Variants in MSH3 observed in about 807,000 individuals in gnomAD.
The protein encoded by MSH3 is DNA mismatch repair protein Msh3.
MSH3 carries 106 observed loss-of-function variants against 123.3 expected under a neutral mutation model. The ratio of observed to expected loss-of-function variants is 0.86; its 90% confidence interval spans 0.73 to 1.01. The LOEUF (loss-of-function observed/expected upper bound fraction) is 1.01, where lower values mean the gene tolerates loss of function less well. Ranked by LOEUF, MSH3 falls within the 50% of genes least tolerant of loss-of-function variation. The pLI is 0.00. For synonymous variants in MSH3, 515 were observed against 481.4 expected (o/e 1.07, Z -0.91); for missense variants, 1,459 against 1,347.6 (o/e 1.08, Z -1.29).
chr5:80,838,055 C>T (rs1457206741), intron 20 of MSH3, among the ~76,000 whole-genome samples: 1 of 152,230 alleles, frequency 6.6e-6, no homozygotes, highest in African/African-American at 2.4e-5. Context: ...GAGAAAGTCT[C>T]TAGCACTAGT....
intron 22 of MSH3, among the ~76,000 whole-genome samples, chr5:80,872,719 ATTGC>A (rs1386511345): frequency 6.6e-6 from 1 of 151,692 alleles, no homozygotes; most frequent in East Asian, 2.0e-4. Context: ...AGGCAGGAGG[ATTGC>A]TTGAGCCCAG....
chr5:80,739,459 G>A (rs968144656), intron 10 of MSH3, among the ~76,000 whole-genome samples: 2 of 152,206 alleles, frequency 1.3e-5, no homozygotes, highest in African/African-American at 4.8e-5. Flanking sequence ...TCCCTAGGAA[G>A]ATGGCAGATA....
intron 20 of MSH3, among the ~76,000 whole-genome samples, chr5:80,840,442 T>C (rs1338591021): frequency 6.6e-6 from 1 of 151,840 alleles, no homozygotes; most frequent in Non-Finnish European, 1.5e-5. Flanking sequence ...TTTTTTTTTC[T>C]TTGCTCTGTT....
intron 17 of MSH3, among the ~76,000 whole-genome samples, chr5:80,784,417 TA>T (rs1744468285): frequency 6.6e-6 from 1 of 151,900 alleles, no homozygotes; most frequent in South Asian, 2.1e-4. Flanking sequence ...TTTATTTTAT[TA>T]AATGTTTGTG....
At position 80,672,215 on chromosome 5, in the gene MSH3, T is replaced by G. The variant is rs768643611; in HGVS notation, c.793-29T>G. 5.6e-6 allele frequency: 8 copies of G among 1,425,180 alleles called. No homozygotes were observed. The East Asian group carries it at 1.9e-4, about 33-fold the overall frequency. 88.3% of individuals were successfully genotyped at this position (1,425,180 alleles called of 1,614,324 possible). A position where few individuals can be genotyped will look rare whatever the true frequency, so the allele number is the denominator to read the frequency against. On this transcript the variant is annotated intron_variant, in intron 4 of 23. Coordinates refer to ENST00000265081, the MANE Select transcript of MSH3 (RefSeq NM_002439.5). Reference sequence around the variant, plus strand: ...CATAGGGAATCTTAAAATATAAATTTATTGATATTTTCTTTTTTCATTTTT... The same window carrying G: ...CATAGGGAATCTTAAAATATAAATTGATTGATATTTTCTTTTTTCATTTTT...
Position 80,813,612 on chromosome 5 carries a change from C to A in MSH3, c.2684C>A (p.Thr895Asn), listed in dbSNP as rs1745046566. 1 of 1,613,944 alleles carries A rather than the reference C, an allele frequency of 6.2e-7. No homozygotes were observed. The highest frequency in any genetic ancestry group is 1.7e-5 in the Admixed American group (1 of 60,004). Residue 895 changes from threonine to asparagine, a missense_variant, in exon 20 of 24, where the codon ACC (threonine) becomes AAC (asparagine). By Grantham distance (65) the Thr-to-Asn change is moderately conservative. Transcript: ENST00000265081. ...SEDSERVMII[T>N]GPNMGGKSSY... is the part of the protein sequence containing the mutation. Reference sequence around the variant, plus strand: ...GACTCAGAGAGAGTAATGATAATTACCGGACCAAACATGGGTGGAAAGAGC... The same window carrying A: ...GACTCAGAGAGAGTAATGATAATTAACGGACCAAACATGGGTGGAAAGAGC...
chr5:80,844,528 G>T (rs1473399736), intron 20 of MSH3, among the ~76,000 whole-genome samples: 5 of 152,080 alleles, frequency 3.3e-5, no homozygotes, highest in African/African-American at 1.2e-4. Flanking sequence ...TATTGTGTGG[G>T]AGTCTTAGTC....
intron 16 of MSH3, among the ~76,000 whole-genome samples, chr5:80,776,633 G>C (rs1744303426): frequency 6.6e-6 from 1 of 151,836 alleles, no homozygotes; most frequent in Non-Finnish European, 1.5e-5. Flanking sequence ...TAATCTCCAG[G>C]AGAGGACTCA....
intron 19 of MSH3, among the ~76,000 whole-genome samples, chr5:80,800,518 G>T (rs1015727960): frequency 2.0e-5 from 3 of 152,190 alleles, no homozygotes; most frequent in Admixed American, 6.5e-5. Context: ...AAATACGCAC[G>T]ATCTTTCTAA....
intron 17 of MSH3, among the ~76,000 whole-genome samples, chr5:80,782,465 A>G (rs1050078200): frequency 3.9e-5 from 6 of 152,136 alleles, no homozygotes; most frequent in African/African-American, 7.2e-5. Context: ...TTTAAAGTCT[A>G]TGGGAGGATG....
intron 22 of MSH3, 53 bp downstream of exon 22, chr5:80,864,995 T>G: frequency 6.4e-7 from 1 of 1,568,314 alleles, no homozygotes; most frequent in South Asian, 1.1e-5. Flanking sequence ...GTTTGATAAC[T>G]CAAAGTTTGT....
chr5:80,845,653 A>G (rs1313889552), intron 20 of MSH3, among the ~76,000 whole-genome samples: 1 of 151,888 alleles, frequency 6.6e-6, no homozygotes, highest in African/African-American at 2.4e-5. Context: ...CATTAATTTG[A>G]TCTTCGGTCG....
intron 2 of MSH3, among the ~76,000 whole-genome samples, chr5:80,660,138 C>T (rs1006236380): frequency 6.6e-6 from 1 of 151,406 alleles, no homozygotes; most frequent in Non-Finnish European, 1.5e-5. Flanking sequence ...ATTGGACTTA[C>T]AGTTCCACAT....
intron 10 of MSH3, among the ~76,000 whole-genome samples, chr5:80,740,140 A>G (rs1240612881): frequency 6.6e-6 from 1 of 152,220 alleles, no homozygotes; most frequent in Non-Finnish European, 1.5e-5. Context: ...TACTGCATTG[A>G]TTAGTACTTC....
chr5:80,876,123 G>A lies in MSH3; in HGVS notation c.*261G>A. The A allele has an allele frequency of 2.4e-6, 1 of 410,296 alleles. No individual in the cohort carries two copies. Among genetic ancestry groups the A allele is most frequent in the Non-Finnish European group, 4.3e-6 (1 of 230,650 alleles). 25.4% of individuals were successfully genotyped at this position (410,296 alleles called of 1,614,324 possible). On this transcript the variant is annotated 3_prime_UTR_variant, in exon 24 of 24. Coordinates refer to ENST00000265081, the MANE Select transcript of MSH3 (RefSeq NM_002439.5). The stretch of plus-strand genomic sequence containing the variant: ...TTTTATGGACAGTAAGTCCAGTAAA[G>A]CCTTAAGTGGCAGAATATAATTCCC...
chr5:80,737,419 A>G (rs1051344202), intron 10 of MSH3, among the ~76,000 whole-genome samples: 4 of 152,088 alleles, frequency 2.6e-5, no homozygotes, highest in Non-Finnish European at 4.4e-5. Flanking sequence ...CTATTGAGGG[A>G]AAAAAAGCAT....
chr5:80,681,518 C>G (rs1749966624), intron 8 of MSH3, among the ~76,000 whole-genome samples: 1 of 151,204 alleles, frequency 6.6e-6, no homozygotes, highest in Non-Finnish European at 1.5e-5. Flanking sequence ...ATTTGTAATA[C>G]TGAAAAAATG....
At position 80,692,665 on chromosome 5, in the gene MSH3, CATGT is replaced by C. The variant is rs1213242128; in HGVS notation, c.1340+13575_1340+13578del. Among the ~76,000 whole-genome samples the C allele has an allele frequency of 5.0e-5, 7 of 139,966 alleles. 1 individual carries two copies. Among genetic ancestry groups the C allele is most frequent in the Admixed American group, 4.3e-4 (6 of 14,080 alleles). The allele number at this position is 139,966 out of a possible 152,430, so 91.8% of individuals were successfully genotyped here. On this transcript the variant is annotated intron_variant, in intron 8 of 23. Transcript: ENST00000265081. ...ATGTTTATATAGATATATATATACA[CATGT>C]ATATGTTTATGTTTATATAGATAAA...
In MSH3 at chr5:80,762,796, TTATGTTATG is replaced by T. The variant is rs1561469595; in HGVS notation, c.1896+1120_1896+1128del. ...TTTTAATTTTTTATTTTATTTTATG[TTATGTTATG>T]TTATGTTATGTTATGTTATGTTATG... is the stretch of plus-strand genomic sequence containing the variant. On this transcript the variant is annotated intron_variant, in intron 13 of 23. Coordinates refer to ENST00000265081, the MANE Select transcript of MSH3 (RefSeq NM_002439.5). 2.2e-3 allele frequency among the ~76,000 whole-genome samples: 297 copies of T among 134,322 alleles called. 1 individual carries two copies. Among genetic ancestry groups the T allele is most frequent in the African/African-American group, 8.0e-3 (287 of 36,088 alleles). 88.1% of individuals were successfully genotyped at this position (134,322 alleles called of 152,430 possible). A position where few individuals can be genotyped will look rare whatever the true frequency, so the allele number is the denominator to read the frequency against.
Sources: gnomAD v4.1 joint callset for allele counts (sites outside exome capture counted in the v4.1 genomes callset) on GRCh38, gnomAD v4.1.1 for gene constraint, MANE v1.5 for transcripts, NCBI Gene and HGNC (gene_info 2026-07-23, HGNC 2026-07-21) for gene names.